MRAP2: variants seen among roughly 807,000 people sequenced by gnomAD.
MRAP2 encodes melanocortin 2 receptor accessory protein 2, also known as melanocortin-2 receptor accessory protein 2.
MRAP2 carries 20 observed loss-of-function variants against 17.4 expected under a neutral mutation model. That is an observed-to-expected ratio of 1.15 (90% CI 0.81 to 1.67). The LOEUF (loss-of-function observed/expected upper bound fraction) is 1.67, where lower values mean the gene tolerates loss of function less well. Among genes scored for constraint, MRAP2 ranks in the 40% most tolerant of loss-of-function variants. MRAP2 has a pLI of 0.00. For synonymous variants in MRAP2, 96 were observed against 88.4 expected, an observed-to-expected ratio of 1.09 and a Z score of -0.48; for missense variants, 238 against 240.0, an observed-to-expected ratio of 0.99 and a Z score of 0.05.
At chr6:84,143,059 T>A in the MRAP2 span, among the ~76,000 whole-genome samples, 5,883 of 152,096 alleles carry the variant, frequency 0.039, 162 homozygotes, top group Non-Finnish European at 0.063. Flanking sequence ...TAAAAAAAAA[T>A]TAGTTACCCA....
chr6:84,092,150 CTCTTA>C (rs2099501878), downstream of MRAP2, among the ~76,000 whole-genome samples: 1 of 152,192 alleles, frequency 6.6e-6, no homozygotes, highest in Admixed American at 6.5e-5. Context: ...TCCTGCTTCT[CTCTTA>C]TAAGGACCTT....
chr6:84,073,214 G>T (rs2099496669), intron 3 of MRAP2, among the ~76,000 whole-genome samples: 1 of 152,168 alleles, frequency 6.6e-6, no homozygotes, highest in Non-Finnish European at 1.5e-5. Context: ...ATGGTGCTAG[G>T]CAGGAATGGC....
chr6:84,062,277 G>A (rs560250924), intron 2 of MRAP2: 34 of 240,758 alleles, frequency 1.4e-4, no homozygotes, highest in Middle Eastern at 2.0e-3. Flanking sequence ...TACACTTCAG[G>A]CACTCCCAGG....
chr6:84,045,605 A>T (rs956209866), intron 1 of MRAP2, among the ~76,000 whole-genome samples: 2 of 152,168 alleles, frequency 1.3e-5, no homozygotes, highest in East Asian at 3.9e-4. Flanking sequence ...TCTCCTAAAA[A>T]TACAAAAATT....
At chr6:84,095,438 A>G (rs1051468025), downstream of MRAP2, among the ~76,000 whole-genome samples, 17 of 152,230 alleles carry the variant, frequency 1.1e-4, no homozygotes, top group African/African-American at 3.6e-4. Context: ...ATCAAAGAGT[A>G]TATTGCATAA....
the MRAP2 span, among the ~76,000 whole-genome samples, chr6:84,128,742 T>C: frequency 7.2e-5 from 11 of 152,272 alleles, 1 homozygote; most frequent in Non-Finnish European, 4.4e-5. Flanking sequence ...GTGCAGAACG[T>C]GCAGGTTTGT....
At chr6:84,127,408 T>C in the MRAP2 span, among the ~76,000 whole-genome samples, 4 of 152,212 alleles carry the variant, frequency 2.6e-5, no homozygotes, top group South Asian at 8.3e-4. Context: ...AGGCAATCTA[T>C]TTTAAATGTG....
At chr6:84,063,508 G>T in intron 3 of MRAP2, 1 of 799,378 alleles carries the variant, frequency 1.3e-6, no homozygotes, top group Non-Finnish European at 1.5e-6. Context: ...AAACACTGTG[G>T]TTTACATAAT....
chr6:84,052,872 C>G (rs1225779170), intron 1 of MRAP2: 1 of 798,616 alleles, frequency 1.3e-6, no homozygotes, highest in Non-Finnish European at 1.5e-6. Flanking sequence ...GCACATGTAG[C>G]TTTCATTACC....
At chr6:84,066,926 A>G (rs1347858835) in intron 3 of MRAP2, among the ~76,000 whole-genome samples, 1 of 152,130 alleles carries the variant, frequency 6.6e-6, no homozygotes, top group Non-Finnish European at 1.5e-5. Context: ...TACAGGTGGT[A>G]TTTGGTTACA....
rs138310506 is a variant in MRAP2 at position 84,086,352 on chromosome 6, T to G, written c.228-2739T>G. Among the ~76,000 whole-genome samples, 802 of 152,336 alleles carry G rather than the reference T, an allele frequency of 5.3e-3. 4 individuals are homozygous for G. The highest frequency in any genetic ancestry group is 9.5e-3 in the Non-Finnish European group (647 of 68,026). Reference sequence around the variant, plus strand: ...CAGATGTCCTTATAGAAGTATTTTTTTGTGCAAGGTTATGGTTTTTGCCAT... The same window carrying G: ...CAGATGTCCTTATAGAAGTATTTTTGTGTGCAAGGTTATGGTTTTTGCCAT... On this transcript the variant is annotated intron_variant, in intron 3 of 3. Coordinates refer to ENST00000257776, the MANE Select transcript of MRAP2 (RefSeq NM_138409.4).
At chr6:84,036,290 T>C (rs1422567814) in intron 1 of MRAP2, among the ~76,000 whole-genome samples, 1 of 152,104 alleles carries the variant, frequency 6.6e-6, no homozygotes, top group Non-Finnish European at 1.5e-5. Context: ...ATAAACAAAA[T>C]GAAAAATAAT....
chr6:84,088,529 G>T (rs1223792364), intron 3 of MRAP2, among the ~76,000 whole-genome samples: 2 of 152,124 alleles, frequency 1.3e-5, no homozygotes, highest in South Asian at 4.1e-4. Flanking sequence ...CATAATTCTT[G>T]CCCTAACTGA....
At chr6:84,118,812 A>G in the MRAP2 span, among the ~76,000 whole-genome samples, 1 of 152,184 alleles carries the variant, frequency 6.6e-6, no homozygotes, top group Admixed American at 6.5e-5. Flanking sequence ...CTGGATTTTT[A>G]GTTTCAGGTC....
At chr6:84,082,666 A>C (rs188766808) in intron 3 of MRAP2, among the ~76,000 whole-genome samples, 1 of 152,256 alleles carries the variant, frequency 6.6e-6, no homozygotes, top group East Asian at 1.9e-4. Context: ...CTGATCTCGA[A>C]CTTCAGAGCT....
At chr6:84,107,778 G>A in the MRAP2 span, among the ~76,000 whole-genome samples, 1 of 152,218 alleles carries the variant, frequency 6.6e-6, no homozygotes, top group African/African-American at 2.4e-5. Flanking sequence ...CAGGTGTGAA[G>A]AAAAAGGCAT....
At chr6:84,134,675 C>T in the MRAP2 span, among the ~76,000 whole-genome samples, 1 of 152,248 alleles carries the variant, frequency 6.6e-6, no homozygotes, top group South Asian at 2.1e-4. Context: ...GTGGGTTGCA[C>T]CCACTGTCTA....
chr6:84,120,813 CAAT>C, the MRAP2 span, among the ~76,000 whole-genome samples: 1 of 152,028 alleles, frequency 6.6e-6, no homozygotes, highest in South Asian at 2.1e-4. Context: ...AAAACACACT[CAAT>C]AAAATAAATT....
chr6:84,037,000 T>C (rs1050205980), intron 1 of MRAP2, among the ~76,000 whole-genome samples: 3 of 152,120 alleles, frequency 2.0e-5, no homozygotes, highest in African/African-American at 7.2e-5. Context: ...AACCTTGAGC[T>C]AGACACAGAG....
Sources: allele counts gnomAD v4.1 joint callset (sites outside exome capture counted in the v4.1 genomes callset), GRCh38; gene constraint gnomAD v4.1.1; transcripts MANE v1.5; gene names NCBI Gene and HGNC (gene_info 2026-07-23, HGNC 2026-07-21).